YLPM1: variants seen among roughly 807,000 people sequenced by gnomAD.
YLPM1 encodes the protein YLP motif-containing protein 1.
A neutral mutation model predicts 230.0 loss-of-function variants in YLPM1; 99 were observed. The ratio of observed to expected loss-of-function variants is 0.43; its 90% confidence interval spans 0.37 to 0.51. The LOEUF (loss-of-function observed/expected upper bound fraction) is 0.51. YLPM1 is among the 20% of genes least tolerant of loss of function. The pLI is 0.00. For missense variants in YLPM1, 2,592 were observed against 2,707.7 expected, an observed-to-expected ratio of 0.96 and a Z score of 0.95; for synonymous variants, 984 against 942.5, an observed-to-expected ratio of 1.04 and a Z score of -0.81.
intron 8 of YLPM1, 81 bp from the exon 9 acceptor site, chr14:74,810,144 A>G (rs1465893247): frequency 1.3e-6 from 2 of 1,516,564 alleles, no homozygotes; most frequent in Admixed American, 4.4e-5. Context: ...AATTTATACC[A>G]GCTCTGAAGT....
Position 74,818,342 on chromosome 14 carries a change from G to A in YLPM1, c.6030+28G>A, listed in dbSNP as rs200249632. 735 of 1,541,708 alleles carry A rather than the reference G, an allele frequency of 4.8e-4. 1 individual carries two copies. Among genetic ancestry groups the A allele is most frequent in the Non-Finnish European group, 6.2e-4 (705 of 1,139,970 alleles). On this transcript the variant is annotated intron_variant, in intron 16 of 20. Transcript: ENST00000325680. ...GAGTATCCTTTGGTTCAAATGCAAT[G>A]CAAAGTGATGTTACTTTTTCACCTT...
In YLPM1 at chr14:74,810,364, T is replaced by C; in HGVS notation, c.5172T>C (p.Gly1724=). 1 of 1,613,622 alleles carries C rather than the reference T, an allele frequency of 6.2e-7. No homozygotes were observed. Among genetic ancestry groups the C allele is most frequent in the Non-Finnish European group, 8.5e-7 (1 of 1,179,776 alleles). Residue 1724 remains glycine, a synonymous_variant, in exon 9 of 21, where the codon GGT becomes GGC. Transcript: ENST00000325680. ...ETHRDRDRDR[G]VIDYDRDRFD... Reference sequence around the variant, plus strand: ...ATAGAGATCGAGACCGGGATCGTGGTGTTATTGACTATGACCGGGATCGAT... The same window carrying C: ...ATAGAGATCGAGACCGGGATCGTGGCGTTATTGACTATGACCGGGATCGAT...
chr14:74,798,149 C>G lies in YLPM1; in HGVS notation c.2852C>G (p.Pro951Arg). 6.2e-7 allele frequency: 1 copy of G among 1,613,982 alleles called. No homozygotes were observed. The highest frequency in any genetic ancestry group is 1.3e-5 in the African/African-American group (1 of 75,032). Residue 951 changes from proline to arginine, a missense_variant, in exon 5 of 21, where the codon CCT (proline) becomes CGT (arginine). Transcript: ENST00000325680. ...CAGCCTGTACCCCTTGCGAATAAGC[C>G]TGTACCTGCTCAATCTACTTTTCCT... is the stretch of plus-strand genomic sequence containing the variant. ...VTQPVPLANK[P>R]VPAQSTFPSK...
At position 74,835,248 on chromosome 14, in the gene YLPM1, T is replaced by TG. The variant is rs369624750; in HGVS notation, c.6295-16dup. On this transcript the variant is annotated splice_polypyrimidine_tract_variant and intron_variant, in intron 19 of 20. Transcript: ENST00000325680. Reference sequence around the variant, plus strand: ...TTATTTTTCCTAAAGCTCAGCCTAATGCTATGTTCTTTTTAGGTCAGATGG... The same window carrying TG: ...TTATTTTTCCTAAAGCTCAGCCTAATGGCTATGTTCTTTTTAGGTCAGATGG... The TG allele has an allele frequency of 6.2e-3, 10,008 of 1,613,052 alleles. 41 individuals carry two copies. The highest frequency in any genetic ancestry group is 7.4e-3 in the Non-Finnish European group (8,760 of 1,179,412).
At chr14:74,817,373 AT>A in intron 15 of YLPM1, 96 bp downstream of exon 15, 1 of 1,089,760 alleles carries the variant, frequency 9.2e-7, no homozygotes, top group Non-Finnish European at 1.3e-6. Flanking sequence ...GTCCCATAAG[AT>A]TATAATGTAT....
At chr14:74,812,477 T>G in intron 10 of YLPM1, 151 bp from the exon 11 acceptor site, 1 of 721,896 alleles carries the variant, frequency 1.4e-6, no homozygotes. Flanking sequence ...AGATTTTACA[T>G]TACCTTAAAT....
chr14:74,763,769 G>T lies in YLPM1; in HGVS notation c.280G>T (p.Gly94Trp). The change falls in exon 1 of 21, where the codon GGG becomes TGG. Residue 94 changes from glycine (G) to tryptophan (W), a missense_variant. Gly to Trp is a radical substitution (Grantham distance 184). Coordinates refer to ENST00000325680, the MANE Select transcript of YLPM1 (RefSeq NM_019589.3). The part of the protein sequence containing the change: ...PPLPPPPVMP[G>W]GGYGDWQPPP... ...TCTGCCGCCCCCGCCAGTGATGCCG[G>T]GGGGCGGCTACGGAGACTGGCAGCC... The T allele has an allele frequency of 6.7e-7, 1 of 1,487,582 alleles. No individual in the cohort carries two copies. Among genetic ancestry groups the T allele is most frequent in the Non-Finnish European group, 8.9e-7 (1 of 1,119,470 alleles). The allele number at this position is 1,487,582 out of a possible 1,614,324, so 92.1% of individuals were successfully genotyped here.
chr14:74,798,707 G>T lies in YLPM1; in HGVS notation c.3410G>T (p.Arg1137Leu). Residue 1137 changes from arginine (R) to leucine (L), a missense_variant, in exon 5 of 21, where the codon CGA (arginine) becomes CTA (leucine). Arg to Leu is a moderately radical substitution (Grantham distance 102). Transcript: ENST00000325680. ...RAGSRERIPPRRAGSRERGPP... is the reference protein window; with the variant it reads ...RAGSRERIPPLRAGSRERGPP... Reference sequence around the variant, plus strand: ...GGGAGTAGAGAGAGAATACCACCCCGAAGAGCTGGGAGCAGGGAGAGAGGA... The same window carrying T: ...GGGAGTAGAGAGAGAATACCACCCCTAAGAGCTGGGAGCAGGGAGAGAGGA... 1.2e-6 allele frequency: 2 copies of T among 1,612,086 alleles called. No homozygotes were observed. Among genetic ancestry groups the T allele is most frequent in the Middle Eastern group, 1.7e-4 (1 of 6,054 alleles).
Position 74,781,977 on chromosome 14 carries a change from A to T in YLPM1, c.1934A>T (p.Gln645Leu). ...GGAGTTCCACAAGGGATACCTCCTC[A>T]GTTAACAGCAGCCCCAGTTCCACCA... ...PPGVPQGIPP[Q>L]LTAAPVPPAS... is the part of the protein sequence containing the mutation. Residue 645 changes from glutamine to leucine, a missense_variant, in exon 4 of 21, where the codon CAG becomes CTG. Gln to Leu is a moderately radical substitution (Grantham distance 113). Coordinates refer to ENST00000325680, the MANE Select transcript of YLPM1 (RefSeq NM_019589.3). 6.2e-7 allele frequency: 1 copy of T among 1,613,632 alleles called. No homozygotes were observed. Among genetic ancestry groups the T allele is most frequent in the Non-Finnish European group, 8.5e-7 (1 of 1,179,716 alleles).
chr14:74,802,856 G>A lies in YLPM1; in HGVS notation c.4521+180G>A, dbSNP rs571885676. Among the ~76,000 whole-genome samples the A allele has an allele frequency of 7.5e-4, 114 of 152,230 alleles. 1 individual carries two copies. The highest frequency in any genetic ancestry group is 2.7e-3 in the African/African-American group (111 of 41,536). On this transcript the variant is annotated intron_variant, in intron 6 of 20. Transcript: ENST00000325680. ...ACCTTAAAAGCATGTTCAAAAGTGT[G>A]GTAGAGATGCTCCTTTTCCCCAGAT...
chr14:74,779,127 C>A (rs146877028), intron 2 of YLPM1, among the ~76,000 whole-genome samples: 1,740 of 152,258 alleles, frequency 0.011, 36 homozygotes, highest in African/African-American at 0.039. Context: ...CAGGCATGAG[C>A]CACCATGCCT....
intron 4 of YLPM1, among the ~76,000 whole-genome samples, chr14:74,794,610 G>A (rs1407389489): frequency 7.6e-6 from 1 of 131,338 alleles, no homozygotes; most frequent in Admixed American, 7.6e-5. Context: ...TTTTTTTTTT[G>A]TCTTTAAGAT....
At chr14:74,809,336 A>T in intron 6 of YLPM1, 44 bp from the exon 7 acceptor site, 1 of 1,543,714 alleles carries the variant, frequency 6.5e-7, no homozygotes, top group South Asian at 1.3e-5. Flanking sequence ...CTATAAAAAC[A>T]TAGTGGTATA....
chr14:74,782,299 T>C lies in YLPM1; in HGVS notation c.2256T>C (p.Ser752=). 6.5e-7 allele frequency: 1 copy of C among 1,531,602 alleles called. No homozygotes were observed. The highest frequency in any genetic ancestry group is 8.7e-7 in the Non-Finnish European group (1 of 1,151,332). 94.9% of individuals were successfully genotyped at this position (1,531,602 alleles called of 1,614,324 possible). A position where few individuals can be genotyped will look rare whatever the true frequency, so the allele number is the denominator to read the frequency against. Residue 752 remains serine, a synonymous_variant, in exon 4 of 21, where the codon AGT becomes AGC. Coordinates refer to ENST00000325680, the MANE Select transcript of YLPM1 (RefSeq NM_019589.3). ...TGCTTCCAGATCCTCCTAGAAGTAG[T>C]TACTTGGAAAGTCCAAGAGGCCCAA... ...GGLLPDPPRS[S]YLESPRGPRF...
Position 74,812,727 on chromosome 14 carries a change from C to G in YLPM1, c.5447C>G (p.Ser1816Ter). Residue 1816 changes from serine to a stop codon, truncating the protein, a stop_gained, in exon 11 of 21, where the codon TCA becomes TGA. Coordinates refer to ENST00000325680, the MANE Select transcript of YLPM1 (RefSeq NM_019589.3). LOFTEE classifies it high-confidence loss of function. ...CCACGAGTCGAGAAGAAGCCTGAATCAAAGAATGTGGACGATATTTTGAAA... is the reference window on the plus strand; with the variant it reads ...CCACGAGTCGAGAAGAAGCCTGAATGAAAGAATGTGGACGATATTTTGAAA... ...PAPRVEKKPE[S>*]KNVDDILKPP... 1 of 1,613,600 alleles carries G rather than the reference C, an allele frequency of 6.2e-7. No homozygotes were observed. The highest frequency in any genetic ancestry group is 8.5e-7 in the Non-Finnish European group (1 of 1,179,734).
chr14:74,817,352 C>T (rs1004334273), intron 15 of YLPM1, 75 bp downstream of exon 15: 2 of 1,298,438 alleles, frequency 1.5e-6, no homozygotes, highest in Non-Finnish European at 2.1e-6. Context: ...GGAAGGACTG[C>T]ATATATGGTG....
At position 74,781,338 on chromosome 14, in the gene YLPM1, T is replaced by C; in HGVS notation, c.1295T>C (p.Met432Thr). Residue 432 changes from methionine to threonine, a missense_variant, in exon 4 of 21, where the codon ATG becomes ACG. Transcript: ENST00000325680. Reference sequence around the variant, plus strand: ...TTTTTATCCCTTTATTTGTAGACCATGTCTGTAGATATGCAGCTGCGGCAT... The same window carrying C: ...TTTTTATCCCTTTATTTGTAGACCACGTCTGTAGATATGCAGCTGCGGCAT... ...IIQPPPHIQT[M>T]SVDMQLRHYE... 24 of 1,556,846 alleles carry C rather than the reference T, an allele frequency of 1.5e-5. No homozygotes were observed. The highest frequency in any genetic ancestry group is 2.0e-5 in the Non-Finnish European group (23 of 1,150,102).
chr14:74,782,283 ATCC>A lies in YLPM1; in HGVS notation c.2245_2247del (p.Pro749del). On this transcript the variant is annotated inframe_deletion, in exon 4 of 21. Coordinates refer to ENST00000325680, the MANE Select transcript of YLPM1 (RefSeq NM_019589.3). ...GTGAGATCAGGTGGCCTGCTTCCAG[ATCC>A]TCCTAGAAGTAGTTACTTGGAAAGT... The A allele has an allele frequency of 6.4e-7, 1 of 1,566,426 alleles. No individual in the cohort carries two copies. Among genetic ancestry groups the A allele is most frequent in the Non-Finnish European group, 8.6e-7 (1 of 1,166,210 alleles).
Position 74,802,614 on chromosome 14 carries a change from G to C in YLPM1, c.4459G>C (p.Asp1487His), listed in dbSNP as rs765858166. 30 of 1,613,330 alleles carry C rather than the reference G, an allele frequency of 1.9e-5. No individual in the cohort carries two copies. Among genetic ancestry groups the C allele is most frequent in the Non-Finnish European group, 2.4e-5 (28 of 1,179,524 alleles). ...CTTCGGGTCTGAGCCACAGATGGCT[G>C]ACCATCTACCACCTCAGGAATCAAG... ...KDFGSEPQMA[D>H]HLPPQESRLQ... The change falls in exon 6 of 21, where the codon GAC becomes CAC. Residue 1487 changes from aspartate (D) to histidine (H), a missense_variant. By Grantham distance (81) the Asp-to-His change is moderately conservative (BLOSUM62 -1). This residue lies in a region of YLPM1 where 403 missense variants were observed against 426.7 expected (regional missense o/e 0.94). Coordinates refer to ENST00000325680, the MANE Select transcript of YLPM1 (RefSeq NM_019589.3).
Sources: allele counts gnomAD v4.1 joint callset (sites outside exome capture counted in the v4.1 genomes callset), GRCh38; gene constraint gnomAD v4.1.1; regional missense constraint gnomAD v4.1.1; transcripts MANE v1.5; gene names NCBI Gene and HGNC (gene_info 2026-07-23, HGNC 2026-07-21).